The following SHB variants were observed in gnomAD, a reference collection of about 807,000 sequenced individuals.
The protein encoded by SHB is SH2 domain-containing adapter protein B.
In SHB, 20 loss-of-function variants were observed where a neutral mutation model predicts 52.3. The ratio of observed to expected loss-of-function variants is 0.38; its 90% CI spans 0.27 to 0.56. The LOEUF is 0.56. SHB is among the 20% of genes least tolerant of loss of function. The pLI, the probability that SHB is intolerant of heterozygous loss-of-function variation, is 0.71. For missense variants in SHB, 825 were observed against 723.3 expected (o/e 1.14, Z -1.61); for synonymous variants, 397 against 316.5 (o/e 1.25, Z -2.70).
intron 1 of SHB, among the ~76,000 whole-genome samples, chr9:38,018,570 T>C (rs1821246309): frequency 1.3e-5 from 2 of 151,952 alleles, no homozygotes; most frequent in African/African-American, 4.8e-5. Flanking sequence ...TCCTAAAATG[T>C]ATATTTAATC....
intron 3 of SHB, among the ~76,000 whole-genome samples, chr9:37,959,320 C>T (rs146962102): frequency 1.1e-4 from 17 of 152,200 alleles, no homozygotes; most frequent in Non-Finnish European, 2.2e-4. Context: ...CTCCATGATG[C>T]CTCCCTGCTG....
chr9:38,045,109 G>T lies in SHB; in HGVS notation c.717+22820C>A, dbSNP rs188560106. On this transcript the variant is annotated intron_variant, in intron 1 of 5. Transcript: ENST00000377707. ...TGTCATGGAAGGGATGGAGTAAAAAGAAGCCTTTCCAAGAGGTAAGGGTCA... is the reference window on the plus strand; with the variant it reads ...TGTCATGGAAGGGATGGAGTAAAAATAAGCCTTTCCAAGAGGTAAGGGTCA... 2.8e-3 allele frequency among the ~76,000 whole-genome samples: 427 copies of T among 152,336 alleles called. 4 individuals are homozygous for T. The highest frequency in any genetic ancestry group is 1.0e-3 in the Non-Finnish European group (71 of 68,032).
chr9:37,918,446 TAG>T lies in SHB; in HGVS notation c.*1373_*1374del, dbSNP rs928370161. Among the ~76,000 whole-genome samples, 1 of 127,244 alleles carries T rather than the reference TAG, an allele frequency of 7.9e-6. No individual in the cohort carries two copies. The highest frequency in any genetic ancestry group is 2.1e-4 in the East Asian group (1 of 4,826). 83.5% of individuals were successfully genotyped at this position (127,244 alleles called of 152,430 possible). ...CTGTGTGTGTGTGTGTGTGTGTGTG[TAG>T]GTGTTCTTGTGTGTGGAAGCAGTGT... On this transcript the variant is annotated 3_prime_UTR_variant, in exon 6 of 6. Coordinates refer to ENST00000377707, the MANE Select transcript of SHB (RefSeq NM_003028.3).
chr9:38,001,900 T>G (rs1821019011), intron 2 of SHB, among the ~76,000 whole-genome samples: 1 of 152,166 alleles, frequency 6.6e-6, no homozygotes, highest in Non-Finnish European at 1.5e-5. Context: ...GCCATCTGCA[T>G]CCTCCCCATG....
At chr9:37,936,176 A>T (rs756485178) in intron 5 of SHB, among the ~76,000 whole-genome samples, 6 of 152,198 alleles carry the variant, frequency 3.9e-5, no homozygotes, top group Non-Finnish European at 5.9e-5. Flanking sequence ...AGATAGCGCC[A>T]TTGCACTCCA....
intron 5 of SHB, among the ~76,000 whole-genome samples, chr9:37,940,065 T>C (rs1187782551): frequency 6.6e-6 from 1 of 152,186 alleles, no homozygotes; most frequent in Non-Finnish European, 1.5e-5. Context: ...GTGCAAATCA[T>C]GGTGACTAGT....
chr9:38,036,655 G>A (rs1821491499), intron 1 of SHB, among the ~76,000 whole-genome samples: 1 of 152,238 alleles, frequency 6.6e-6, no homozygotes, highest in African/African-American at 2.4e-5. Context: ...GGAGATAACT[G>A]GAGAGTCTCT....
At chr9:38,037,361 T>G (rs1821501856) in intron 1 of SHB, among the ~76,000 whole-genome samples, 1 of 152,176 alleles carries the variant, frequency 6.6e-6, no homozygotes, top group Non-Finnish European at 1.5e-5. Flanking sequence ...CCCCCACCAC[T>G]GCCCGCTCCA....
chr9:38,007,838 T>C (rs1006581837), intron 2 of SHB, among the ~76,000 whole-genome samples: 4 of 144,844 alleles, frequency 2.8e-5, no homozygotes, highest in African/African-American at 7.8e-5. Context: ...ATCAGAGAGG[T>C]GGGGGAGGGG....
intron 1 of SHB, among the ~76,000 whole-genome samples, chr9:38,046,265 G>A (rs963937599): frequency 2.6e-5 from 4 of 152,230 alleles, no homozygotes; most frequent in African/African-American, 9.6e-5. Flanking sequence ...ATTGCTGAAC[G>A]TGGCCAGGCC....
intron 1 of SHB, among the ~76,000 whole-genome samples, chr9:38,028,309 G>C (rs1187047649): frequency 2.0e-5 from 3 of 152,176 alleles, no homozygotes; most frequent in Non-Finnish European, 4.4e-5. Flanking sequence ...AATAATGGAC[G>C]GGCTCATGCA....
chr9:37,949,614 G>T (rs1161124078), intron 4 of SHB, among the ~76,000 whole-genome samples: 1 of 152,148 alleles, frequency 6.6e-6, no homozygotes, highest in Admixed American at 6.5e-5. Flanking sequence ...AGGGGAAGGG[G>T]TGTGCAAGAC....
intron 2 of SHB, among the ~76,000 whole-genome samples, chr9:37,998,200 C>G (rs1820972939): frequency 1.0e-5 from 1 of 96,716 alleles, no homozygotes; most frequent in Non-Finnish European, 2.3e-5. Context: ...CGGGAGCAGG[C>G]AGCTTGGAGG....
In SHB at chr9:37,926,711, C is replaced by G. The variant is rs113037960; in HGVS notation, c.1347-6707G>C. Among the ~76,000 whole-genome samples, 1,294 of 152,350 alleles carry G rather than the reference C, an allele frequency of 8.5e-3. 18 individuals are homozygous for G. The highest frequency in any genetic ancestry group is 0.03 in the African/African-American group (1,231 of 41,580). ...AGAGAATTAGGCCACTGTTTCAGTACAGCATTCAGCAAAGAGAGGGCCCTG... is the reference window on the plus strand; with the variant it reads ...AGAGAATTAGGCCACTGTTTCAGTAGAGCATTCAGCAAAGAGAGGGCCCTG... On this transcript the variant is annotated intron_variant, in intron 5 of 5. Transcript: ENST00000377707.
chr9:38,022,810 C>G (rs1334464287), intron 1 of SHB, among the ~76,000 whole-genome samples: 1 of 152,212 alleles, frequency 6.6e-6, no homozygotes, highest in Non-Finnish European at 1.5e-5. Flanking sequence ...CATACAGACA[C>G]AAGCCAGGTG....
chr9:38,041,692 G>A (rs190777007), intron 1 of SHB, among the ~76,000 whole-genome samples: 48 of 152,262 alleles, frequency 3.2e-4, no homozygotes, highest in African/African-American at 8.7e-4. Flanking sequence ...GAAGCCACTG[G>A]TGGTTCTGAG....
intron 2 of SHB, among the ~76,000 whole-genome samples, chr9:37,989,612 G>C (rs899059744): frequency 1.3e-5 from 2 of 152,174 alleles, no homozygotes; most frequent in African/African-American, 4.8e-5. Flanking sequence ...CATTTAAGTG[G>C]GGAAACGGGA....
intron 1 of SHB, among the ~76,000 whole-genome samples, chr9:38,034,796 A>C (rs970015379): frequency 2.1e-4 from 32 of 152,352 alleles, no homozygotes; most frequent in African/African-American, 6.7e-4. Flanking sequence ...TCCCGGGTTC[A>C]AGTGATTCTC....
rs114617366 is a variant in SHB at position 38,019,869 on chromosome 9, G to A, written c.718-3738C>T. On this transcript the variant is annotated intron_variant, in intron 1 of 5. Transcript: ENST00000377707. ...ATAAACTGTGCTAGTTCCATACGAT[G>A]TAACATTATGCAGCAGGCTGAAAAA... Among the ~76,000 whole-genome samples, 736 of 152,226 alleles carry A rather than the reference G, an allele frequency of 4.8e-3. 8 individuals carry two copies. Among genetic ancestry groups the A allele is most frequent in the African/African-American group, 0.017 (712 of 41,548 alleles).
Sources: allele counts gnomAD v4.1 joint callset (sites outside exome capture counted in the v4.1 genomes callset), GRCh38; gene constraint gnomAD v4.1.1; transcripts MANE v1.5; gene names NCBI Gene and HGNC (gene_info 2026-07-23, HGNC 2026-07-21).